The following TTYH2 variants were observed in gnomAD, a reference collection of about 807,000 sequenced individuals.
The protein encoded by TTYH2 is protein tweety homolog 2.
A neutral mutation model predicts 68.3 loss-of-function variants in TTYH2; 49 were observed. The observed-to-expected ratio is 0.72, with a 90% CI of 0.57 to 0.91. The LOEUF (loss-of-function observed/expected upper bound fraction) is 0.91, where lower values mean the gene tolerates loss of function less well. TTYH2 is among the 40% of genes least tolerant of loss of function. TTYH2 has a pLI of 0.00. For missense variants in TTYH2, 631 were observed against 700.4 expected, an observed-to-expected ratio of 0.90 and a Z score of 1.12; for synonymous variants, 272 against 300.8, an observed-to-expected ratio of 0.90 and a Z score of 0.99.
chr17:74,228,018 CT>C (rs1354029727), intron 2 of TTYH2, among the ~76,000 whole-genome samples: 2 of 128,330 alleles, frequency 1.6e-5, no homozygotes, highest in African/African-American at 7.4e-5. Context: ...GAGTCTTGCT[CT>C]GTCTCCCAGG....
chr17:74,243,971 T>C lies in TTYH2; in HGVS notation c.732-6T>C, dbSNP rs1325476751. The C allele has an allele frequency of 2.5e-6, 4 of 1,611,334 alleles. No individual in the cohort carries two copies. The highest frequency in any genetic ancestry group is 3.4e-6 in the Non-Finnish European group (4 of 1,179,746). On this transcript the variant is annotated splice_polypyrimidine_tract_variant and splice_region_variant and intron_variant, in intron 5 of 13. Transcript: ENST00000269346. ...CTGCCAACGTTGTCGCCTGCCTCTC[T>C]CCTAGGATGCTGTGCTGTGGGGCAC... is the stretch of plus-strand genomic sequence containing the variant.
rs775715751 is a variant in TTYH2, at chr17:74,214,942, G to A, written c.129+1226G>A. ...ACGACCCGGCTGCCATCAGGCCCAGGCAGATGGTGCCTGCCCTACCAGAGG... is the reference window on the plus strand; with the variant it reads ...ACGACCCGGCTGCCATCAGGCCCAGACAGATGGTGCCTGCCCTACCAGAGG... On this transcript the variant is annotated intron_variant, in intron 1 of 13. Coordinates refer to ENST00000269346, the MANE Select transcript of TTYH2 (RefSeq NM_032646.6). The surrounding 1 kb of genome is among the most constrained non-coding windows in gnomAD (Gnocchi z 4.6). Among the ~76,000 whole-genome samples the A allele has an allele frequency of 5.3e-5, 8 of 152,150 alleles. No individual in the cohort carries two copies. Among genetic ancestry groups the A allele is most frequent in the Admixed American group, 4.6e-4 (7 of 15,284 alleles).
chr17:74,229,596 T>A (rs1314481950), intron 2 of TTYH2, among the ~76,000 whole-genome samples: 1 of 152,116 alleles, frequency 6.6e-6, no homozygotes, highest in Admixed American at 6.5e-5. Flanking sequence ...GTATTCAGAA[T>A]TGCCAGAACT....
In TTYH2 at chr17:74,223,592, G is replaced by C. The variant is rs539748378; in HGVS notation, c.302+935G>C. On this transcript the variant is annotated intron_variant, in intron 2 of 13. Coordinates refer to ENST00000269346, the MANE Select transcript of TTYH2 (RefSeq NM_032646.6). ...CCATACCCAGCCCACCACACTGCCT[G>C]GCCACTCCACCCCAGCTGGCGTCCA... Among the ~76,000 whole-genome samples the C allele has an allele frequency of 2.6e-5, 4 of 152,312 alleles. No individual in the cohort carries two copies. In the South Asian group the frequency reaches 8.3e-4, roughly 32 times the overall value.
At chr17:74,250,656 C>G in intron 10 of TTYH2, 1 of 302,166 alleles carries the variant, frequency 3.3e-6, no homozygotes, top group Non-Finnish European at 6.1e-6. Context: ...TGTCCAGACT[C>G]CTAGCCATTT....
chr17:74,226,625 G>A (rs2050332968), intron 2 of TTYH2, among the ~76,000 whole-genome samples: 1 of 152,120 alleles, frequency 6.6e-6, no homozygotes, highest in Non-Finnish European at 1.5e-5. Flanking sequence ...CACTGAGGTG[G>A]GAGGACACAT....
chr17:74,248,683 A>G (rs1260399493), intron 6 of TTYH2: 4 of 1,211,784 alleles, frequency 3.3e-6, no homozygotes, highest in Non-Finnish European at 1.0e-6. Flanking sequence ...GGTCTGTCCC[A>G]GAAGAGGCAT....
intron 1 of TTYH2, among the ~76,000 whole-genome samples, chr17:74,220,120 G>T (rs893939256): frequency 6.6e-6 from 1 of 152,068 alleles, no homozygotes; most frequent in African/African-American, 2.4e-5. Context: ...AGCTGGGATT[G>T]CAAGTGCATG....
At chr17:74,256,691 C>G (rs1248934152) in intron 13 of TTYH2, among the ~76,000 whole-genome samples, 1 of 123,596 alleles carries the variant, frequency 8.1e-6, no homozygotes, top group South Asian at 2.5e-4. Flanking sequence ...ACTCTGTGAC[C>G]TAGGCTGGAG....
chr17:74,230,874 G>A lies in TTYH2; in HGVS notation c.303-14G>A, dbSNP rs1476814016. ...TGTATCACCTCTAACCTCTGTTTGG[G>A]ATCTTGCTTATAGTGCTGCGGTGGG... On this transcript the variant is annotated splice_polypyrimidine_tract_variant and intron_variant, in intron 2 of 13. Transcript: ENST00000269346. 6.2e-7 allele frequency: 1 copy of A among 1,613,550 alleles called. No individual in the cohort carries two copies. Among genetic ancestry groups the A allele is most frequent in the Admixed American group, 1.7e-5 (1 of 60,002 alleles).
Position 74,252,389 on chromosome 17 carries a change from G to T in TTYH2, c.1259+13G>T, listed in dbSNP as rs199885591. On this transcript the variant is annotated intron_variant, in intron 11 of 13. Transcript: ENST00000269346. ...ACTTCACCACCAGGTGGGCTGCCTA[G>T]TAAGGAGGGGAGCCTCCCACAGCCT... 6 of 1,611,770 alleles carry T rather than the reference G, an allele frequency of 3.7e-6. No individual in the cohort carries two copies. The East Asian group carries it at 1.3e-4, about 36-fold the overall frequency.
At chr17:74,228,536 C>A (rs2143732568) in intron 2 of TTYH2, among the ~76,000 whole-genome samples, 1 of 152,240 alleles carries the variant, frequency 6.6e-6, no homozygotes, top group Non-Finnish European at 1.5e-5. Flanking sequence ...GAATGTTGGA[C>A]TAAAACCAAC....
rs548139656 is a variant in TTYH2, at chr17:74,214,674, G to C, written c.129+958G>C. On this transcript the variant is annotated intron_variant, in intron 1 of 13. Coordinates refer to ENST00000269346, the MANE Select transcript of TTYH2 (RefSeq NM_032646.6). This position sits in a 1 kb window ranked among gnomAD's most constrained non-coding sequence, Gnocchi z 4.6. ...GTCTGGTCACGCCTGCTCTGGCCCC[G>C]GGAGCCCACCTGTATCAGTTCCTTG... Among the ~76,000 whole-genome samples the C allele has an allele frequency of 6.6e-5, 10 of 152,268 alleles. No homozygotes were observed. In the South Asian group the frequency reaches 1.0e-3, roughly 16 times the overall value.
chr17:74,226,255 A>G (rs187188135), intron 2 of TTYH2, among the ~76,000 whole-genome samples: 1 of 152,354 alleles, frequency 6.6e-6, no homozygotes, highest in East Asian at 1.9e-4. Context: ...TAGGAAGCAC[A>G]GAGTGAGAAG....
chr17:74,219,232 C>CA (rs1432323917), intron 1 of TTYH2, among the ~76,000 whole-genome samples: 1 of 137,204 alleles, frequency 7.3e-6, no homozygotes, highest in African/African-American at 3.2e-5. Flanking sequence ...AAAAAAAGTA[C>CA]AAAAAAATTA....
chr17:74,228,893 C>A (rs1400080110), intron 2 of TTYH2, among the ~76,000 whole-genome samples: 1 of 152,158 alleles, frequency 6.6e-6, no homozygotes, highest in African/African-American at 2.4e-5. Context: ...GGGCAAGGGT[C>A]TGAAACCTTA....
At chr17:74,226,153 G>C (rs969083962) in intron 2 of TTYH2, among the ~76,000 whole-genome samples, 3 of 152,236 alleles carry the variant, frequency 2.0e-5, no homozygotes, top group African/African-American at 7.2e-5. Flanking sequence ...TGAGTTTAAG[G>C]TGCCTTTGAA....
Position 74,250,371 on chromosome 17 carries a change from C to A in TTYH2, c.1116+14C>A. ...GGGCTGCACAAGGTGCATGGGGACC[C>A]TGGGGTCACGTGGAGAGTGTGAGGG... On this transcript the variant is annotated intron_variant, in intron 10 of 13. Coordinates refer to ENST00000269346, the MANE Select transcript of TTYH2 (RefSeq NM_032646.6). 6.2e-7 allele frequency: 1 copy of A among 1,609,492 alleles called. No homozygotes were observed.
chr17:74,249,138 C>G, intron 7 of TTYH2, 58 bp downstream of exon 7: 1 of 1,607,588 alleles, frequency 6.2e-7, no homozygotes, highest in Non-Finnish European at 8.5e-7. Context: ...ACTCTGTGCC[C>G]CTACTTACCT....
Sources: allele counts gnomAD v4.1 joint callset (sites outside exome capture counted in the v4.1 genomes callset), GRCh38; gene constraint gnomAD v4.1.1; non-coding constraint Gnocchi (gnomAD v3.1); transcripts MANE v1.5; gene names NCBI Gene and HGNC (gene_info 2026-07-23, HGNC 2026-07-21).